The following GRAMD2B variants were observed in gnomAD, a reference collection of about 807,000 sequenced individuals.
GRAMD2B encodes GRAM domain-containing protein 2B.
A neutral mutation model predicts 59.2 loss-of-function variants in GRAMD2B; 41 were observed. The ratio of observed to expected loss-of-function variants is 0.69; its 90% CI spans 0.54 to 0.90. The LOEUF (loss-of-function observed/expected upper bound fraction) is 0.90. Among genes scored for constraint, GRAMD2B ranks in the 40% least tolerant of loss-of-function variants. GRAMD2B has a pLI of 0.00. For missense variants in GRAMD2B, 424 were observed against 500.5 expected (o/e 0.85, Z 1.46); for synonymous variants, 161 against 182.7 (o/e 0.88, Z 0.96).
intron 1 of GRAMD2B, among the ~76,000 whole-genome samples, chr5:126,400,404 T>TAA (rs1757720470): frequency 6.6e-6 from 1 of 152,162 alleles, no homozygotes; most frequent in African/African-American, 2.4e-5. Context: ...ATTAATATCA[T>TAA]GTATCTATTA....
chr5:126,397,839 G>A (rs978396377), intron 1 of GRAMD2B, among the ~76,000 whole-genome samples: 2 of 152,058 alleles, frequency 1.3e-5, no homozygotes, highest in Admixed American at 6.6e-5. Context: ...TTTTCATACA[G>A]TGTCATTGTC....
chr5:126,363,860 G>A (rs573161760), intron 1 of GRAMD2B, among the ~76,000 whole-genome samples: 1 of 152,290 alleles, frequency 6.6e-6, no homozygotes, highest in African/African-American at 2.4e-5. Context: ...TTGGGTACAA[G>A]GTTTCTTTTG....
In GRAMD2B at chr5:126,361,489, T is replaced by TAAAAAA. The variant is rs11300255; in HGVS notation, c.128+1045_128+1050dup. On this transcript the variant is annotated intron_variant, in intron 1 of 13. Coordinates refer to the GRAMD2B transcript ENST00000513040. ...TTCAGTTTTCTTAATTCCGAAATGG[T>TAAAAAA]AAAAAAAAAAAAAAAAAAAATTCTG... is the stretch of plus-strand genomic sequence containing the variant. 6.8e-3 allele frequency among the ~76,000 whole-genome samples: 958 copies of TAAAAAA among 140,690 alleles called. 7 individuals are homozygous for TAAAAAA. Among genetic ancestry groups the TAAAAAA allele is most frequent in the Non-Finnish European group, 0.011 (691 of 65,600 alleles). 92.3% of individuals were successfully genotyped at this position (140,690 alleles called of 152,430 possible). A position where few individuals can be genotyped will look rare whatever the true frequency, so the allele number is the denominator to read the frequency against.
intron 1 of GRAMD2B, among the ~76,000 whole-genome samples, chr5:126,424,160 GAAT>G (rs1459122834): frequency 6.6e-6 from 1 of 152,186 alleles, no homozygotes; most frequent in Non-Finnish European, 1.5e-5. Flanking sequence ...AGGCACAAAT[GAAT>G]ATTACTGTAC....
chr5:126,443,800 A>G (rs952889419), intron 1 of GRAMD2B, among the ~76,000 whole-genome samples: 1 of 152,238 alleles, frequency 6.6e-6, no homozygotes, highest in Non-Finnish European at 1.5e-5. Flanking sequence ...CTGTAATCCC[A>G]ACACTTTGGG....
chr5:126,413,684 T>G (rs1046770966), intron 1 of GRAMD2B, among the ~76,000 whole-genome samples: 1 of 152,244 alleles, frequency 6.6e-6, no homozygotes, highest in Non-Finnish European at 1.5e-5. Context: ...GATCTAAGGC[T>G]ATCAGTGGGG....
chr5:126,388,542 T>C (rs1724955383), intron 1 of GRAMD2B, among the ~76,000 whole-genome samples: 2 of 152,004 alleles, frequency 1.3e-5, no homozygotes, highest in African/African-American at 4.8e-5. Context: ...GAAAGGTTTA[T>C]TCCATTGTGG....
intron 1 of GRAMD2B, among the ~76,000 whole-genome samples, chr5:126,387,619 A>G (rs1017926851): frequency 1.3e-5 from 2 of 151,952 alleles, no homozygotes; most frequent in African/African-American, 4.8e-5. Context: ...GTATAAGTGG[A>G]AAGGGTCCAG....
chr5:126,422,460 A>G (rs1759839338), upstream of GRAMD2B, among the ~76,000 whole-genome samples: 1 of 152,150 alleles, frequency 6.6e-6, no homozygotes, highest in South Asian at 2.1e-4. Flanking sequence ...CGGCCTCCCA[A>G]ACTGCTGGGA....
intron 1 of GRAMD2B, among the ~76,000 whole-genome samples, chr5:126,403,135 C>T (rs765138839): frequency 6.6e-6 from 1 of 151,964 alleles, no homozygotes; most frequent in Non-Finnish European, 1.5e-5. Context: ...TACCATTTGA[C>T]TAATATTCAC....
chr5:126,399,231 C>A (rs186643226), intron 1 of GRAMD2B, among the ~76,000 whole-genome samples: 53 of 152,192 alleles, frequency 3.5e-4, no homozygotes, highest in Admixed American at 3.3e-3. Flanking sequence ...CTCTTAATTT[C>A]TGTCTTTAGA....
intron 1 of GRAMD2B, among the ~76,000 whole-genome samples, chr5:126,391,530 G>A (rs1249521224): frequency 6.6e-6 from 1 of 151,930 alleles, no homozygotes; most frequent in African/African-American, 2.4e-5. Context: ...CCAAAAAATG[G>A]AGACAACTCA....
At chr5:126,393,221 A>G (rs1380885168) in intron 1 of GRAMD2B, among the ~76,000 whole-genome samples, 1 of 152,010 alleles carries the variant, frequency 6.6e-6, no homozygotes, top group African/African-American at 2.4e-5. Context: ...CCAATTATAA[A>G]CTGACTAATT....
intron 1 of GRAMD2B, among the ~76,000 whole-genome samples, chr5:126,445,062 G>A (rs1302998753): frequency 6.6e-6 from 1 of 152,194 alleles, no homozygotes; most frequent in Admixed American, 6.5e-5. Context: ...ATTCCATGGT[G>A]TATATTTACC....
At chr5:126,465,567 T>C in intron 2 of GRAMD2B, 22 bp downstream of exon 2, 2 of 1,606,460 alleles carry the variant, frequency 1.2e-6, no homozygotes, top group Middle Eastern at 1.7e-4. Context: ...GTTGACTCTC[T>C]TTGTTCTCTT....
At chr5:126,406,805 T>C (rs1452033256) in intron 1 of GRAMD2B, among the ~76,000 whole-genome samples, 3 of 152,092 alleles carry the variant, frequency 2.0e-5, no homozygotes, top group Non-Finnish European at 4.4e-5. Flanking sequence ...ATTTCTTTCT[T>C]CTAGAGAAAA....
chr5:126,388,790 T>C (rs1002591916), intron 1 of GRAMD2B, among the ~76,000 whole-genome samples: 1 of 152,014 alleles, frequency 6.6e-6, no homozygotes, highest in African/African-American at 2.4e-5. Flanking sequence ...CTTTTAGTTA[T>C]CTACATTATT....
intron 1 of GRAMD2B, among the ~76,000 whole-genome samples, chr5:126,382,730 T>A (rs1366188653): frequency 6.6e-6 from 1 of 152,210 alleles, no homozygotes; most frequent in Non-Finnish European, 1.5e-5. Flanking sequence ...CCATTGCTGG[T>A]AAGCTAATAT....
At chr5:126,367,432 TGGAGGAGGAGGA>T (rs70994862), upstream of GRAMD2B, among the ~76,000 whole-genome samples, 55,921 of 140,682 alleles carry the variant, frequency 0.4, 11,031 homozygotes, top group South Asian at 0.6. Context: ...CTGTAAAAAC[TGGAGGAGGAGGA>T]GGAGGAGGAG....
Sources: gnomAD v4.1 joint callset for allele counts (sites outside exome capture counted in the v4.1 genomes callset) on GRCh38, gnomAD v4.1.1 for gene constraint, MANE v1.5 for transcripts, NCBI Gene and HGNC (gene_info 2026-07-23, HGNC 2026-07-21) for gene names.